The following TEX15 variants were observed in gnomAD, a reference collection of about 807,000 sequenced individuals.
TEX15 encodes the protein testis expressed 15, meiosis and synapsis associated, also known as testis-expressed protein 15.
A neutral mutation model predicts 237.3 loss-of-function variants in TEX15; 171 were observed. The ratio of observed to expected loss-of-function variants is 0.72; its 90% CI spans 0.64 to 0.82. The LOEUF is 0.82. Ranked by LOEUF, TEX15 falls within the 40% of genes least tolerant of loss-of-function variation. TEX15 has a pLI of 0.00. For synonymous variants in TEX15, 1,338 were observed against 1,269.8 expected (o/e 1.05, Z -1.14); for missense variants, 3,750 against 3,646.5 (o/e 1.03, Z -0.73).
chr8:30,845,527 T>A lies in TEX15; in HGVS notation c.4640A>T (p.His1547Leu), dbSNP rs773785653. 6.2e-7 allele frequency: 1 copy of A among 1,613,570 alleles called. No homozygotes were observed. Among genetic ancestry groups the A allele is most frequent in the Non-Finnish European group, 8.5e-7 (1 of 1,179,662 alleles). ...SVSNPSLSEE[H>L]QPFSGKTAYL... ...TGCAGTTTTTCCAGAAAAGGGCTGA[T>A]GTTCTTCTGATAAACTTGGATTGCT... The change falls in exon 8 of 11, where the codon CAT becomes CTT. Residue 1547 changes from histidine (H) to leucine (L), a missense_variant. Coordinates refer to ENST00000643185, the MANE Select transcript of TEX15 (RefSeq NM_001350162.2).
chr8:30,879,230 C>T (rs1808469063), intron 3 of TEX15, among the ~76,000 whole-genome samples: 1 of 152,012 alleles, frequency 6.6e-6, no homozygotes, highest in African/African-American at 2.4e-5. Context: ...CCATTCCTAG[C>T]TTATCTTCTC....
rs1402520053 is a variant in TEX15 at position 30,844,661 on chromosome 8, T to C, written c.5506A>G (p.Lys1836Glu). 1 of 1,613,290 alleles carries C rather than the reference T, an allele frequency of 6.2e-7. No individual in the cohort carries two copies. Among genetic ancestry groups the C allele is most frequent in the Non-Finnish European group, 8.5e-7 (1 of 1,179,628 alleles). ...KGSSSETCIV[K>E]KDTEDRITWK... ...GTTATTCTGTCCTCAGTGTCTTTCT[T>C]CACAATACATGTTTCTGAAGAGGAG... Residue 1836 changes from lysine (K) to glutamate (E), a missense_variant, in exon 8 of 11, where the codon AAG becomes GAG. Physicochemically the swap from Lys to Glu is moderately conservative, Grantham distance 56 (BLOSUM62 1). Transcript: ENST00000643185.
Position 30,837,738 on chromosome 8 carries a change from T to G in TEX15, c.8546A>C (p.His2849Pro). 6.2e-7 allele frequency: 1 copy of G among 1,614,148 alleles called. No homozygotes were observed. Among genetic ancestry groups the G allele is most frequent in the Non-Finnish European group, 8.5e-7 (1 of 1,179,988 alleles). The change falls in exon 10 of 11, where the codon CAT becomes CCT. Residue 2849 changes from histidine (H) to proline (P), a missense_variant. Coordinates refer to ENST00000643185, the MANE Select transcript of TEX15 (RefSeq NM_001350162.2). ...CCCATGGTCTGGTGAAAATGTGCCA[T>G]GTACACTTTTTTGGTCACAAATTGC... is the stretch of plus-strand genomic sequence containing the variant. ...AFAICDQKSV[H>P]GTFSPDHGTL...
rs7831948 is a variant in TEX15, at chr8:30,897,136, G to A, written c.-10+1606C>T. 1.7e-3 allele frequency among the ~76,000 whole-genome samples: 263 copies of A among 152,314 alleles called. 2 individuals carry two copies. The highest frequency in any genetic ancestry group is 6.1e-3 in the African/African-American group (252 of 41,570). ...TTATGAAATAAAATATTCTGAACAA[G>A]AAGTCGGCAGACGTAGGTATCTTGT... On this transcript the variant is annotated intron_variant, in intron 2 of 10. Transcript: ENST00000643185.
In TEX15 at chr8:30,843,835, GCATACAGTGTTTCAT is replaced by G; in HGVS notation, c.6317_6331del (p.Asp2106_Tyr2110del). ...TCCACGTGGTTTTCCAAGAAGCTCA[GCATACAGTGTTTCAT>G]CATACCAAAGCAAGCTTCGCAATGT... On this transcript the variant is annotated inframe_deletion, in exon 8 of 11. Transcript: ENST00000643185. 2.5e-6 allele frequency: 4 copies of G among 1,612,908 alleles called. No individual in the cohort carries two copies. Among genetic ancestry groups the G allele is most frequent in the Non-Finnish European group, 3.4e-6 (4 of 1,179,420 alleles).
intron 8 of TEX15, among the ~76,000 whole-genome samples, 200 bp downstream of exon 8, chr8:30,841,804 G>A (rs1200715155): frequency 2.6e-5 from 4 of 152,036 alleles, no homozygotes; most frequent in Non-Finnish European, 5.9e-5. Context: ...CATTTGCAAG[G>A]TATCACCTAT....
At chr8:30,850,237 C>A (rs1563246481) in intron 7 of TEX15, among the ~76,000 whole-genome samples, 1 of 151,852 alleles carries the variant, frequency 6.6e-6, no homozygotes. Context: ...CAAATAAAAA[C>A]CTGGAAAATA....
intron 1 of TEX15, among the ~76,000 whole-genome samples, chr8:30,910,238 T>C (rs1295455853): frequency 6.6e-6 from 1 of 152,114 alleles, no homozygotes; most frequent in Non-Finnish European, 1.5e-5. Flanking sequence ...AAAGTGACCT[T>C]CGGATCTCCT....
Position 30,867,384 on chromosome 8 carries a change from A to G in TEX15, c.421T>C (p.Ser141Pro). 2 of 1,532,064 alleles carry G rather than the reference A, an allele frequency of 1.3e-6. No homozygotes were observed. The highest frequency in any genetic ancestry group is 1.7e-6 in the Non-Finnish European group (2 of 1,143,480). 94.9% of individuals were successfully genotyped at this position (1,532,064 alleles called of 1,614,324 possible). A position where few individuals can be genotyped will look rare whatever the true frequency, so the allele number is the denominator to read the frequency against. Reference protein sequence around the residue: ...IYQNGISTRASTLKILGNPLL... With the variant: ...IYQNGISTRAPTLKILGNPLL... ...GGATTTCCTAGTATCTTCAATGTAG[A>G]TGCTCTGGTACTTATTCCATTCTGA... Residue 141 changes from serine to proline, a missense_variant, in exon 5 of 11, where the codon TCT becomes CCT. Ser to Pro is a moderately conservative substitution (Grantham distance 74, BLOSUM62 -1). Transcript: ENST00000643185.
intron 3 of TEX15, among the ~76,000 whole-genome samples, chr8:30,883,054 A>T (rs964532340): frequency 1.3e-5 from 2 of 152,126 alleles, no homozygotes; most frequent in African/African-American, 4.8e-5. Flanking sequence ...TACAGGTATG[A>T]GCCACCATGA....
At chr8:30,901,616 T>C (rs1054377245) in intron 1 of TEX15, among the ~76,000 whole-genome samples, 1 of 152,174 alleles carries the variant, frequency 6.6e-6, no homozygotes, top group African/African-American at 2.4e-5. Flanking sequence ...TTAAGCAACG[T>C]ATGTTTGAGT....
At chr8:30,872,126 T>A (rs1204740355) in intron 4 of TEX15, among the ~76,000 whole-genome samples, 1 of 151,844 alleles carries the variant, frequency 6.6e-6, no homozygotes, top group Non-Finnish European at 1.5e-5. Flanking sequence ...CTTCCCACCA[T>A]CCAAGGCCCT....
chr8:30,864,044 G>C (rs1371388764), intron 5 of TEX15, among the ~76,000 whole-genome samples: 1 of 151,992 alleles, frequency 6.6e-6, no homozygotes, highest in African/African-American at 2.4e-5. Flanking sequence ...TCTTAAAGAT[G>C]CTCAAAGAGC....
chr8:30,863,293 AATTT>A (rs1456446586), intron 5 of TEX15, among the ~76,000 whole-genome samples: 2 of 152,208 alleles, frequency 1.3e-5, no homozygotes, highest in East Asian at 3.9e-4. Context: ...TCAGATTTCA[AATTT>A]TTGGATTAGG....
chr8:30,863,332 A>C (rs760675304), intron 5 of TEX15, among the ~76,000 whole-genome samples: 25 of 152,018 alleles, frequency 1.6e-4, no homozygotes, highest in Non-Finnish European at 3.7e-4. Flanking sequence ...ATTATGGTTA[A>C]TTTCAGTCAA....
chr8:30,833,783 G>T (rs1807234225), intron 10 of TEX15, among the ~76,000 whole-genome samples: 1 of 152,102 alleles, frequency 6.6e-6, no homozygotes, highest in African/African-American at 2.4e-5. Flanking sequence ...TTATAACATT[G>T]CAATTGCCTC....
At chr8:30,898,127 C>A (rs1808939743) in intron 2 of TEX15, among the ~76,000 whole-genome samples, 1 of 152,160 alleles carries the variant, frequency 6.6e-6, no homozygotes, top group Non-Finnish European at 1.5e-5. Context: ...GGACAATATT[C>A]TCCACTGGAC....
intron 10 of TEX15, 22 bp from the exon 11 acceptor site, chr8:30,833,345 A>G: frequency 1.3e-6 from 2 of 1,562,686 alleles, no homozygotes; most frequent in Non-Finnish European, 1.7e-6. Flanking sequence ...AACACCACAA[A>G]GATTTAAATA....
rs754168714 is a variant in TEX15, at chr8:30,875,042, T to G, written c.197A>C (p.Asn66Thr). The G allele has an allele frequency of 2.1e-5, 28 of 1,350,336 alleles. No homozygotes were observed. Among genetic ancestry groups the G allele is most frequent in the Non-Finnish European group, 2.4e-5 (25 of 1,048,204 alleles). The allele number at this position is 1,350,336 out of a possible 1,614,324, so 83.6% of individuals were successfully genotyped here. A position where few individuals can be genotyped will look rare whatever the true frequency, so the allele number is the denominator to read the frequency against. ...ACAGTTTACATCAAGCCTGCACTGG[T>G]TAAGAGTATCATGTATAAAACTATA... Reference protein sequence around the residue: ...REYSFIHDTLNQCRLDVNCDL... With the variant: ...REYSFIHDTLTQCRLDVNCDL... The change falls in exon 4 of 11, where the codon AAC (asparagine) becomes ACC (threonine). Residue 66 changes from asparagine (N) to threonine (T), a missense_variant. Asn to Thr is a moderately conservative substitution (Grantham distance 65). Coordinates refer to ENST00000643185, the MANE Select transcript of TEX15 (RefSeq NM_001350162.2).
Sources: gnomAD v4.1 joint callset for allele counts (sites outside exome capture counted in the v4.1 genomes callset) on GRCh38, gnomAD v4.1.1 for gene constraint, MANE v1.5 for transcripts, NCBI Gene and HGNC (gene_info 2026-07-23, HGNC 2026-07-21) for gene names.